MINDY4B: variants seen among roughly 807,000 people sequenced by gnomAD.
MINDY4B encodes inactive ubiquitin carboxyl-terminal hydrolase MINDY-4B.
MINDY4B carries 25 observed loss-of-function variants against 16.7 expected under a neutral mutation model. That is an observed-to-expected ratio of 1.49 (90% CI 1.09 to 2.09). The LOEUF (loss-of-function observed/expected upper bound fraction) is 2.09, where lower values mean the gene tolerates loss of function less well. Among genes scored for constraint, MINDY4B ranks in the 30% most tolerant of loss-of-function variants. The pLI, the probability that MINDY4B is intolerant of heterozygous loss-of-function variation, is 0.00. For missense variants in MINDY4B, 327 were observed against 168.4 expected, an observed-to-expected ratio of 1.94 and a Z score of -5.21; for synonymous variants, 132 against 61.9, an observed-to-expected ratio of 2.13 and a Z score of -5.32.
chr3:150,875,742 C>T (rs1711496321), intron 10 of MINDY4B, among the ~76,000 whole-genome samples: 1 of 152,144 alleles, frequency 6.6e-6, no homozygotes, highest in African/African-American at 2.4e-5. Context: ...ACCTTGCTTG[C>T]CCTGAGAGAT....
intron 9 of MINDY4B, among the ~76,000 whole-genome samples, chr3:150,883,295 C>T (rs1711552264): frequency 6.6e-6 from 1 of 152,120 alleles, no homozygotes; most frequent in Non-Finnish European, 1.5e-5. Context: ...TCTTACTGCC[C>T]GTCCTCCTTT....
At chr3:150,894,678 G>A (rs763724970) in intron 3 of MINDY4B, among the ~76,000 whole-genome samples, 3 of 152,128 alleles carry the variant, frequency 2.0e-5, no homozygotes, top group African/African-American at 4.8e-5. Context: ...GTACAGTAGC[G>A]ATTTAAACAA....
chr3:150,881,035 C>G (rs1274947415), intron 10 of MINDY4B, among the ~76,000 whole-genome samples: 3 of 152,206 alleles, frequency 2.0e-5, no homozygotes, highest in African/African-American at 4.8e-5. Context: ...TCTGTCCAGG[C>G]TGTATTCAAA....
At position 150,893,428 on chromosome 3, in the gene MINDY4B, G is replaced by A. The variant is rs898822737; in HGVS notation, c.430-13C>T. ...TTCGGGCCCCTCCCTGAAATGAGGAGAATGAATGACGAGGTGAAGAACTCT... is the reference window on the plus strand; with the variant it reads ...TTCGGGCCCCTCCCTGAAATGAGGAAAATGAATGACGAGGTGAAGAACTCT... On this transcript the variant is annotated splice_polypyrimidine_tract_variant and intron_variant, in intron 4 of 11. Coordinates refer to ENST00000465419, the MANE Select transcript of MINDY4B (RefSeq NM_001351281.2). The A allele has an allele frequency of 4.6e-5, 32 of 702,574 alleles. No homozygotes were observed. Among genetic ancestry groups the A allele is most frequent in the Non-Finnish European group, 6.0e-5 (23 of 384,808 alleles). 43.5% of individuals were successfully genotyped at this position (702,574 alleles called of 1,614,324 possible).
chr3:150,890,739 C>T, intron 6 of MINDY4B, 199 bp downstream of exon 6: 2 of 524,866 alleles, frequency 3.8e-6, no homozygotes, highest in Non-Finnish European at 6.8e-6. Context: ...TGGTGAATTC[C>T]ATAGCAGGAA....
intron 6 of MINDY4B, 188 bp downstream of exon 6, chr3:150,890,750 T>C (rs1711778618): frequency 1.9e-6 from 1 of 531,454 alleles, no homozygotes; most frequent in Non-Finnish European, 3.4e-6. Flanking sequence ...ATAGCAGGAA[T>C]TTAAAACAGG....
At position 150,870,980 on chromosome 3, in the gene MINDY4B, A is replaced by C; in HGVS notation, c.*65T>G. The C allele has an allele frequency of 1.5e-6, 1 of 661,482 alleles. No homozygotes were observed. Among genetic ancestry groups the C allele is most frequent in the Non-Finnish European group, 2.7e-6 (1 of 366,202 alleles). 41.0% of individuals were successfully genotyped at this position (661,482 alleles called of 1,614,324 possible). A position where few individuals can be genotyped will look rare whatever the true frequency, so the allele number is the denominator to read the frequency against. ...AATATGGAAACGATTGGTCTCCCCC[A>C]CATTAGGCTTTTGCATCCCAGCAGT... On this transcript the variant is annotated 3_prime_UTR_variant, in exon 12 of 12. Coordinates refer to ENST00000465419, the MANE Select transcript of MINDY4B (RefSeq NM_001351281.2).
intron 5 of MINDY4B, 140 bp downstream of exon 5, chr3:150,893,184 C>T: frequency 3.1e-6 from 2 of 637,862 alleles, no homozygotes; most frequent in South Asian, 3.6e-5. Context: ...AATCCAGCCT[C>T]TCTGGGACAG....
chr3:150,894,520 G>A (rs990120507), intron 3 of MINDY4B, among the ~76,000 whole-genome samples: 19 of 152,166 alleles, frequency 1.2e-4, no homozygotes, highest in Non-Finnish European at 1.5e-4. Flanking sequence ...CCTTTGCCAG[G>A]CATCTACTTT....
intron 11 of MINDY4B, 100 bp from the exon 12 acceptor site, chr3:150,871,287 C>T: frequency 1.6e-6 from 1 of 634,522 alleles, no homozygotes; most frequent in Non-Finnish European, 2.8e-6. Context: ...AGGAGTCAGG[C>T]TTGGAAAATT....
chr3:150,878,117 G>T (rs986356830), intron 10 of MINDY4B, among the ~76,000 whole-genome samples: 2 of 152,132 alleles, frequency 1.3e-5, no homozygotes, highest in South Asian at 2.1e-4. Flanking sequence ...TGGAGTGGAC[G>T]TGGGGATTCA....
chr3:150,881,996 C>T (rs978873718), intron 10 of MINDY4B, among the ~76,000 whole-genome samples: 2 of 152,150 alleles, frequency 1.3e-5, no homozygotes, highest in Non-Finnish European at 2.9e-5. Context: ...GGCTGGAGGA[C>T]AGGACAGATG....
At chr3:150,886,082 T>G (rs1711615267) in intron 7 of MINDY4B, among the ~76,000 whole-genome samples, 1 of 152,222 alleles carries the variant, frequency 6.6e-6, no homozygotes, top group South Asian at 2.1e-4. Flanking sequence ...TCCCCTGTCT[T>G]TTCTTGGACA....
At chr3:150,899,752 T>G (rs1050673695) in intron 3 of MINDY4B, among the ~76,000 whole-genome samples, 2 of 152,160 alleles carry the variant, frequency 1.3e-5, no homozygotes, top group African/African-American at 4.8e-5. Context: ...AGGACACCCC[T>G]ACTCTAGTCT....
chr3:150,894,177 G>A lies in MINDY4B; in HGVS notation c.429+9C>T, dbSNP rs1322807309. 3 of 688,126 alleles carry A rather than the reference G, an allele frequency of 4.4e-6. No homozygotes were observed. In the African/African-American group the frequency reaches 5.3e-5, roughly 12 times the overall value. The allele number at this position is 688,126 out of a possible 1,614,324, so 42.6% of individuals were successfully genotyped here. On this transcript the variant is annotated intron_variant, in intron 4 of 11. Transcript: ENST00000465419. ...TAAGGTTTTTTAAAAATTATAAACT[G>A]GCTATTACCTTTCCCACTTCCAGAG...
intron 3 of MINDY4B, among the ~76,000 whole-genome samples, chr3:150,898,786 G>A (rs1399011062): frequency 2.0e-5 from 3 of 152,082 alleles, no homozygotes; most frequent in Non-Finnish European, 2.9e-5. Context: ...TCATCATTTA[G>A]ACACACACAT....
chr3:150,872,412 T>A (rs1255181960), intron 11 of MINDY4B, among the ~76,000 whole-genome samples: 2 of 152,224 alleles, frequency 1.3e-5, no homozygotes, highest in African/African-American at 4.8e-5. Context: ...TCAGACACAG[T>A]AATGCTCCAT....
chr3:150,880,912 T>C (rs1336626037), intron 10 of MINDY4B, among the ~76,000 whole-genome samples: 1 of 152,236 alleles, frequency 6.6e-6, no homozygotes, highest in Non-Finnish European at 1.5e-5. Context: ...ATGAAATCTA[T>C]AAATCCTCTA....
intron 11 of MINDY4B, among the ~76,000 whole-genome samples, chr3:150,871,661 C>CTCG: frequency 6.6e-6 from 1 of 152,186 alleles, no homozygotes; most frequent in African/African-American, 2.4e-5. Context: ...CCAGCCTGGC[C>CTCG]AGCATGGTGA....
Sources: allele counts gnomAD v4.1 joint callset (sites outside exome capture counted in the v4.1 genomes callset), GRCh38; gene constraint gnomAD v4.1.1; transcripts MANE v1.5; gene names NCBI Gene and HGNC (gene_info 2026-07-23, HGNC 2026-07-21).